The following MB21D2 variants were observed in gnomAD, a reference collection of about 807,000 sequenced individuals.
MB21D2 encodes nucleotidyltransferase MB21D2.
MB21D2 carries 9 observed loss-of-function variants against 33.3 expected under a neutral mutation model. The observed-to-expected ratio is 0.27, with a 90% CI of 0.16 to 0.47. The LOEUF is 0.47. MB21D2 is among the 20% of genes least tolerant of loss of function. The pLI, the probability that MB21D2 is intolerant of heterozygous loss-of-function variation, is 0.99. For missense variants in MB21D2, 540 were observed against 624.6 expected, an observed-to-expected ratio of 0.86 and a Z score of 1.44; for synonymous variants, 241 against 236.3, an observed-to-expected ratio of 1.02 and a Z score of -0.18.
chr3:192,905,841 A>T (rs534996853), intron 1 of MB21D2, among the ~76,000 whole-genome samples: 1 of 151,780 alleles, frequency 6.6e-6, no homozygotes, highest in African/African-American at 2.4e-5. Flanking sequence ...CAAAAAGAAG[A>T]AAAAGAAAAG....
Position 192,916,019 on chromosome 3 carries a change from C to G in MB21D2, c.211+1611G>C, listed in dbSNP as rs373901329. Among the ~76,000 whole-genome samples the G allele has an allele frequency of 8.7e-4, 132 of 151,876 alleles. 1 individual carries two copies. Among genetic ancestry groups the G allele is most frequent in the African/African-American group, 3.0e-3 (124 of 41,366 alleles). On this transcript the variant is annotated intron_variant, in intron 1 of 1. Coordinates refer to ENST00000392452, the MANE Select transcript of MB21D2 (RefSeq NM_178496.4). ...CTCAGCCTTCTGTGTGTGGCCCCAC[C>G]TTCCTGACAATCACTGTGTTGGCTT...
intron 1 of MB21D2, among the ~76,000 whole-genome samples, chr3:192,810,337 G>T (rs938739614): frequency 2.0e-5 from 3 of 152,122 alleles, no homozygotes; most frequent in Non-Finnish European, 4.4e-5. Context: ...CCTTGAATCG[G>T]TGATCTACAT....
At chr3:192,879,958 A>G (rs1323123768) in intron 1 of MB21D2, among the ~76,000 whole-genome samples, 37 of 152,064 alleles carry the variant, frequency 2.4e-4, no homozygotes, top group Non-Finnish European at 5.9e-5. Context: ...GCAGATCCTC[A>G]GCTCCCCAGG....
At chr3:192,812,026 T>C (rs1269407887) in intron 1 of MB21D2, among the ~76,000 whole-genome samples, 2 of 152,068 alleles carry the variant, frequency 1.3e-5, no homozygotes, top group African/African-American at 4.8e-5. Flanking sequence ...TTCTTTTGTG[T>C]GTGTGCGTGT....
intron 1 of MB21D2, among the ~76,000 whole-genome samples, chr3:192,824,819 G>A (rs542931171): frequency 6.6e-6 from 1 of 152,104 alleles, no homozygotes; most frequent in Non-Finnish European, 1.5e-5. Context: ...CCTACGTCAA[G>A]CAAACCGTGT....
At chr3:192,840,522 C>T (rs1398515502) in intron 1 of MB21D2, among the ~76,000 whole-genome samples, 7 of 147,990 alleles carry the variant, frequency 4.7e-5, no homozygotes, top group African/African-American at 1.0e-4. Context: ...TAGTTTCCAG[C>T]GCAATCCCTC....
chr3:192,908,232 G>C (rs776776824), intron 1 of MB21D2, among the ~76,000 whole-genome samples: 2 of 152,072 alleles, frequency 1.3e-5, no homozygotes, highest in Non-Finnish European at 2.9e-5. Context: ...CTTTTAAAGA[G>C]TGACTCAAGT....
intron 1 of MB21D2, among the ~76,000 whole-genome samples, chr3:192,844,149 G>A (rs767646753): frequency 2.0e-5 from 3 of 152,124 alleles, no homozygotes; most frequent in Admixed American, 1.3e-4. Flanking sequence ...CCGCAGCCTC[G>A]CCAGCCCACG....
At position 192,799,665 on chromosome 3, in the gene MB21D2, G is replaced by GA. The variant is rs770021154; in HGVS notation, c.212-16dup. 2 of 1,595,752 alleles carry GA rather than the reference G, an allele frequency of 1.3e-6. No individual in the cohort carries two copies. Among genetic ancestry groups the GA allele is most frequent in the Non-Finnish European group, 8.5e-7 (1 of 1,173,598 alleles). Reference sequence around the variant, plus strand: ...TTGCACCATTCCTGGAAATAAAGAAGAAAAAAACAACACTATTACAGGAAA... The same window carrying GA: ...TTGCACCATTCCTGGAAATAAAGAAGAAAAAAAACAACACTATTACAGGAAA... On this transcript the variant is annotated splice_polypyrimidine_tract_variant and intron_variant, in intron 1 of 1. Coordinates refer to ENST00000392452, the MANE Select transcript of MB21D2 (RefSeq NM_178496.4). The surrounding 1 kb of genome is among the most constrained non-coding windows in gnomAD (Gnocchi z 4.1).
intron 1 of MB21D2, among the ~76,000 whole-genome samples, chr3:192,885,543 A>C (rs906271185): frequency 2.6e-5 from 4 of 152,104 alleles, no homozygotes; most frequent in African/African-American, 7.3e-5. Flanking sequence ...AGCCTACGGG[A>C]AAAGGTAATT....
intron 1 of MB21D2, among the ~76,000 whole-genome samples, chr3:192,846,657 T>C (rs957951181): frequency 1.8e-4 from 28 of 152,118 alleles, no homozygotes; most frequent in Admixed American, 1.6e-3. Flanking sequence ...GAACAAGAAA[T>C]CCATGCTGTT....
Position 192,859,175 on chromosome 3 carries a change from CGT to C in MB21D2, c.211+58453_211+58454del, listed in dbSNP as rs566330393. Among the ~76,000 whole-genome samples the C allele has an allele frequency of 1.4e-3, 218 of 152,242 alleles. No homozygotes were observed. The South Asian group carries it at 0.015, about 10-fold the overall frequency. On this transcript the variant is annotated intron_variant, in intron 1 of 1. Coordinates refer to ENST00000392452, the MANE Select transcript of MB21D2 (RefSeq NM_178496.4). ...CAGTACTGCACAACACAGAGCAAAT[CGT>C]GTTTCACCTCAATGAGAAGAGCAGC... is the stretch of plus-strand genomic sequence containing the variant.
intron 1 of MB21D2, among the ~76,000 whole-genome samples, chr3:192,884,453 G>C (rs7645609): frequency 6.6e-6 from 1 of 150,932 alleles, no homozygotes; most frequent in Non-Finnish European, 1.5e-5. Flanking sequence ...TGCAAGCTCC[G>C]CCTCCCGGGT....
intron 1 of MB21D2, among the ~76,000 whole-genome samples, chr3:192,819,848 C>T (rs1232009498): frequency 6.6e-6 from 1 of 152,152 alleles, no homozygotes; most frequent in Admixed American, 6.5e-5. Flanking sequence ...ACCTGACATC[C>T]ATCTGTGAAA....
chr3:192,838,924 T>C (rs1336321724), intron 1 of MB21D2, among the ~76,000 whole-genome samples: 1 of 152,182 alleles, frequency 6.6e-6, no homozygotes, highest in Non-Finnish European at 1.5e-5. Flanking sequence ...AATGCCCATT[T>C]AGGTTAGGAG....
intron 1 of MB21D2, among the ~76,000 whole-genome samples, chr3:192,881,829 C>T (rs553921325): frequency 1.1e-4 from 16 of 152,224 alleles, no homozygotes; most frequent in East Asian, 3.9e-4. Context: ...CAAAACGAAG[C>T]GGCATCAATG....
At chr3:192,892,237 C>A (rs375674188) in intron 1 of MB21D2, among the ~76,000 whole-genome samples, 1 of 152,210 alleles carries the variant, frequency 6.6e-6, no homozygotes, top group Non-Finnish European at 1.5e-5. Flanking sequence ...CTTTCACACC[C>A]AGCAGGCTCA....
intron 1 of MB21D2, among the ~76,000 whole-genome samples, chr3:192,912,553 A>G (rs1280386376): frequency 6.6e-6 from 1 of 152,152 alleles, no homozygotes; most frequent in African/African-American, 2.4e-5. Flanking sequence ...GGCGCCTGTA[A>G]TCCCAGCTAC....
At chr3:192,892,074 A>T (rs1207663390) in intron 1 of MB21D2, among the ~76,000 whole-genome samples, 1 of 151,368 alleles carries the variant, frequency 6.6e-6, no homozygotes, top group East Asian at 1.9e-4. Context: ...CAGATATTAA[A>T]TATTAACACT....
Sources: allele counts gnomAD v4.1 joint callset (sites outside exome capture counted in the v4.1 genomes callset), GRCh38; gene constraint gnomAD v4.1.1; non-coding constraint Gnocchi (gnomAD v3.1); transcripts MANE v1.5; gene names NCBI Gene and HGNC (gene_info 2026-07-23, HGNC 2026-07-21).